Variants in SMYD3 observed in about 807,000 individuals in gnomAD.
SMYD3 encodes SET and MYND domain containing 3.
A neutral mutation model predicts 57.7 loss-of-function variants in SMYD3; 36 were observed. The observed-to-expected ratio is 0.62, with a 90% CI of 0.48 to 0.82. SMYD3 has a LOEUF of 0.82. SMYD3 is among the 40% of genes least tolerant of loss of function. The pLI, the probability that SMYD3 is intolerant of heterozygous loss-of-function variation, is 0.00. For synonymous variants in SMYD3, 211 were observed against 195.0 expected, an observed-to-expected ratio of 1.08 and a Z score of -0.68; for missense variants, 515 against 538.8, an observed-to-expected ratio of 0.96 and a Z score of 0.44.
chr1:245,790,214 G>GA (rs1016853189), intron 10 of SMYD3, among the ~76,000 whole-genome samples: 30 of 152,154 alleles, frequency 2.0e-4, no homozygotes, highest in African/African-American at 6.8e-4. Context: ...TTAGGCTGAT[G>GA]AAAAAACAGT....
At chr1:246,182,926 T>C (rs1370710714) in intron 5 of SMYD3, among the ~76,000 whole-genome samples, 1 of 152,166 alleles carries the variant, frequency 6.6e-6, no homozygotes, top group Admixed American at 6.5e-5. Context: ...AGACACTAAC[T>C]GAGCCCCTAA....
At position 246,092,634 on chromosome 1, in the gene SMYD3, A is replaced by G. The variant is rs141839541; in HGVS notation, c.532-162697T>C. 2.0e-5 allele frequency among the ~76,000 whole-genome samples: 3 copies of G among 152,350 alleles called. No homozygotes were observed. The East Asian group carries it at 5.8e-4, about 29-fold the overall frequency. On this transcript the variant is annotated intron_variant, in intron 5 of 11. Coordinates refer to ENST00000490107, the MANE Select transcript of SMYD3 (RefSeq NM_001167740.2). ...ATCAAAATGGATCAAGGACAAATGTACAACCCAAAGCTATGAAGCTACTAG... is the reference window on the plus strand; with the variant it reads ...ATCAAAATGGATCAAGGACAAATGTGCAACCCAAAGCTATGAAGCTACTAG...
chr1:245,800,649 A>C (rs567091126), intron 10 of SMYD3, among the ~76,000 whole-genome samples: 2 of 152,174 alleles, frequency 1.3e-5, no homozygotes, highest in South Asian at 2.1e-4. Context: ...ACATCTGTGG[A>C]TAACAAATGA....
intron 5 of SMYD3, among the ~76,000 whole-genome samples, chr1:246,060,003 C>T (rs1034579202): frequency 1.3e-5 from 2 of 152,170 alleles, no homozygotes; most frequent in South Asian, 4.2e-4. Flanking sequence ...AAAAAGTTGG[C>T]GGGGCATAAT....
intron 11 of SMYD3, among the ~76,000 whole-genome samples, chr1:245,754,605 C>T (rs1299503293): frequency 6.6e-6 from 1 of 152,120 alleles, no homozygotes; most frequent in East Asian, 1.9e-4. Flanking sequence ...AGCAGAGAAT[C>T]CCAAAGACTT....
rs575780447 is a variant in SMYD3, at chr1:246,050,108, T to C, written c.532-120171A>G. On this transcript the variant is annotated intron_variant, in intron 5 of 11. Coordinates refer to ENST00000490107, the MANE Select transcript of SMYD3 (RefSeq NM_001167740.2). ...ATTAGGGCCATAAACTACAAGCTAG[T>C]GTTCTTTTCACTTTGAAATGAAAGA... is the stretch of plus-strand genomic sequence containing the variant. Among the ~76,000 whole-genome samples the C allele has an allele frequency of 1.3e-4, 20 of 152,366 alleles. No homozygotes were observed. In the East Asian group the frequency reaches 3.7e-3, roughly 28 times the overall value.
Position 246,341,513 on chromosome 1 carries a change from C to G in SMYD3, c.229-6039G>C, listed in dbSNP as rs114905898. ...CATATTTTATGATTTATTCTAAAAC[C>G]AGTACCATTCAGGGGGTAAAATTTA... On this transcript the variant is annotated intron_variant, in intron 2 of 11. Coordinates refer to ENST00000490107, the MANE Select transcript of SMYD3 (RefSeq NM_001167740.2). Among the ~76,000 whole-genome samples, 1,051 of 152,108 alleles carry G rather than the reference C, an allele frequency of 6.9e-3. 19 individuals are homozygous for G. Among genetic ancestry groups the G allele is most frequent in the African/African-American group, 0.024 (980 of 41,524 alleles).
At chr1:246,477,715 G>A (rs949843703) in intron 1 of SMYD3, among the ~76,000 whole-genome samples, 3 of 152,200 alleles carry the variant, frequency 2.0e-5, no homozygotes, top group Non-Finnish European at 4.4e-5. Flanking sequence ...CTAGTAACTG[G>A]AAAAATCAGA....
chr1:246,241,134 C>T (rs10924601), intron 5 of SMYD3, among the ~76,000 whole-genome samples: 53,173 of 151,584 alleles, frequency 0.35, 10,211 homozygotes, highest in East Asian at 0.79. Context: ...CTATGTTGAA[C>T]AGGAGTGGTG....
chr1:245,876,822 G>C (rs1273862017), intron 8 of SMYD3, among the ~76,000 whole-genome samples: 1 of 152,200 alleles, frequency 6.6e-6, no homozygotes, highest in Non-Finnish European at 1.5e-5. Flanking sequence ...CGTGATAACA[G>C]AGAGGTAAGC....
chr1:245,826,473 C>A (rs1224162651), intron 10 of SMYD3, among the ~76,000 whole-genome samples: 8 of 152,096 alleles, frequency 5.3e-5, no homozygotes, highest in Non-Finnish European at 1.0e-4. Flanking sequence ...CCTCAGCCTC[C>A]CAAAGTGCTA....
intron 5 of SMYD3, among the ~76,000 whole-genome samples, chr1:246,003,054 G>A (rs578006481): frequency 6.6e-6 from 1 of 152,384 alleles, no homozygotes; most frequent in East Asian, 1.9e-4. Context: ...ATAAGGCAGA[G>A]AAGAGAAAGG....
At chr1:245,797,848 A>AAG in intron 10 of SMYD3, among the ~76,000 whole-genome samples, 1 of 138,938 alleles carries the variant, frequency 7.2e-6, no homozygotes, top group South Asian at 2.3e-4. Context: ...AAAAAAAAAA[A>AAG]GGTGGATCAA....
chr1:246,028,704 CAT>C (rs2059617848), intron 5 of SMYD3, among the ~76,000 whole-genome samples: 1 of 152,116 alleles, frequency 6.6e-6, no homozygotes, highest in African/African-American at 2.4e-5. Context: ...TACCAAACCA[CAT>C]GTTTCACAGA....
chr1:246,231,236 T>C (rs1488090906), intron 5 of SMYD3, among the ~76,000 whole-genome samples: 1 of 152,176 alleles, frequency 6.6e-6, no homozygotes, highest in East Asian at 1.9e-4. Flanking sequence ...CACTTTCAAA[T>C]AGGTATATTT....
At chr1:246,272,898 T>C (rs1385120401) in intron 5 of SMYD3, among the ~76,000 whole-genome samples, 1 of 152,196 alleles carries the variant, frequency 6.6e-6, no homozygotes, top group East Asian at 1.9e-4. Context: ...AGAATTCACC[T>C]GTGAAGCCCT....
At chr1:246,131,882 A>G (rs2061593158) in intron 5 of SMYD3, among the ~76,000 whole-genome samples, 1 of 150,758 alleles carries the variant, frequency 6.6e-6, no homozygotes, top group African/African-American at 2.5e-5. Context: ...ATATGGTTAT[A>G]AGGCTGAAGG....
At chr1:246,331,648 T>C (rs889249533) in intron 3 of SMYD3, among the ~76,000 whole-genome samples, 1 of 152,232 alleles carries the variant, frequency 6.6e-6, no homozygotes, top group Non-Finnish European at 1.5e-5. Context: ...CAGCCTTAAA[T>C]AGGAATAACA....
intron 5 of SMYD3, among the ~76,000 whole-genome samples, chr1:246,143,126 T>TACACACACACAC (rs370332515): frequency 2.2e-4 from 32 of 146,110 alleles, no homozygotes; most frequent in Middle Eastern, 3.5e-3. Context: ...GTATATTTAA[T>TACACACACACAC]ACACACACAC....
Sources: gnomAD v4.1 joint callset for allele counts (sites outside exome capture counted in the v4.1 genomes callset) on GRCh38, gnomAD v4.1.1 for gene constraint, MANE v1.5 for transcripts, NCBI Gene and HGNC (gene_info 2026-07-23, HGNC 2026-07-21) for gene names.